Variants in TRIM2 observed in about 807,000 individuals in gnomAD.
TRIM2 encodes the protein tripartite motif-containing protein 2.
TRIM2 carries 20 observed loss-of-function variants against 75.2 expected under a neutral mutation model. The observed-to-expected ratio is 0.27, with a 90% CI of 0.19 to 0.39. The LOEUF (loss-of-function observed/expected upper bound fraction) is 0.39. Among genes scored for constraint, TRIM2 ranks in the 10% least tolerant of loss-of-function variants. The probability of loss-of-function intolerance (pLI) is 1.00; values close to 1 mark genes in which losing one functional copy is unlikely to be tolerated. For missense variants in TRIM2, 660 were observed against 990.8 expected (o/e 0.67, Z 4.48); for synonymous variants, 373 against 388.3 (o/e 0.96, Z 0.46).
intron 6 of TRIM2, 33 bp from the exon 7 acceptor site, chr4:153,315,452 G>A (rs377581126): frequency 1.9e-6 from 3 of 1,544,812 alleles, no homozygotes; most frequent in East Asian, 2.3e-5. Context: ...ACCCTTTAGT[G>A]CTTAATTTTT....
At position 153,322,787 on chromosome 4, in the gene TRIM2, G is replaced by A; in HGVS notation, c.1922G>A (p.Ser641Asn). Residue 641 changes from serine to asparagine, a missense_variant, in exon 9 of 12, where the codon AGC becomes AAC. Transcript: ENST00000338700. ...PNGKIVTRFG[S>N]RGNGDRQFAG... ...GGGAAAATAGTCACCAGGTTTGGTAGCCGAGGAAATGGGGACAGGCAGTTT... is the reference window on the plus strand; with the variant it reads ...GGGAAAATAGTCACCAGGTTTGGTAACCGAGGAAATGGGGACAGGCAGTTT... 9 of 1,614,220 alleles carry A rather than the reference G, an allele frequency of 5.6e-6. No homozygotes were observed. The highest frequency in any genetic ancestry group is 7.6e-6 in the Non-Finnish European group (9 of 1,180,034).
intron 1 of TRIM2, among the ~76,000 whole-genome samples, chr4:153,188,940 C>T (rs1305068242): frequency 6.6e-6 from 1 of 152,222 alleles, no homozygotes; most frequent in Admixed American, 6.5e-5. Context: ...CTGCTTACCA[C>T]TCCCCATACT....
chr4:153,178,669 C>T (rs1731729279), intron 1 of TRIM2, among the ~76,000 whole-genome samples: 1 of 152,298 alleles, frequency 6.6e-6, no homozygotes, highest in African/African-American at 2.4e-5. Context: ...GAGACTCATG[C>T]ATCCTGTAGC....
intron 1 of TRIM2, among the ~76,000 whole-genome samples, chr4:153,171,391 G>A (rs1730833390): frequency 6.6e-6 from 1 of 152,060 alleles, no homozygotes. Context: ...TTCCAGACCA[G>A]CCTGACCAAC....
chr4:153,324,169 G>T, intron 10 of TRIM2, 21 bp downstream of exon 10: 1 of 1,598,702 alleles, frequency 6.3e-7, no homozygotes, highest in Non-Finnish European at 8.5e-7. Context: ...CACATGAGTT[G>T]TTGTTAACTT....
intron 8 of TRIM2, among the ~76,000 whole-genome samples, chr4:153,317,518 G>A (rs1238806504): frequency 6.6e-6 from 1 of 151,844 alleles, no homozygotes; most frequent in African/African-American, 2.4e-5. Context: ...CCGTGGTGGC[G>A]TGCACCTGTA....
At chr4:153,243,270 G>A (rs1358911142) in intron 1 of TRIM2, among the ~76,000 whole-genome samples, 1 of 152,232 alleles carries the variant, frequency 6.6e-6, no homozygotes, top group African/African-American at 2.4e-5. Context: ...TGATAGAGAA[G>A]GTGATGGAGT....
intron 1 of TRIM2, among the ~76,000 whole-genome samples, chr4:153,163,754 G>A (rs565605733): frequency 9.4e-4 from 142 of 151,610 alleles, no homozygotes; most frequent in African/African-American, 3.3e-3. Context: ...TGCCCGCCTC[G>A]GCCTCCCAGA....
At chr4:153,272,086 C>T (rs929118978) in intron 2 of TRIM2, among the ~76,000 whole-genome samples, 1 of 152,230 alleles carries the variant, frequency 6.6e-6, no homozygotes, top group Non-Finnish European at 1.5e-5. Flanking sequence ...AGTCCTTACA[C>T]AATGCTCTGT....
intron 8 of TRIM2, among the ~76,000 whole-genome samples, chr4:153,319,982 T>C (rs1413253036): frequency 6.6e-6 from 1 of 152,210 alleles, no homozygotes; most frequent in African/African-American, 2.4e-5. Flanking sequence ...TCTAGATAAT[T>C]ATCCATTTGA....
At chr4:153,206,676 C>T (rs1735534485) in intron 1 of TRIM2, among the ~76,000 whole-genome samples, 1 of 152,094 alleles carries the variant, frequency 6.6e-6, no homozygotes, top group Non-Finnish European at 1.5e-5. Flanking sequence ...TCCTGCCCCT[C>T]TTTGCTCCCT....
At chr4:153,225,167 C>G (rs1034097055) in intron 1 of TRIM2, among the ~76,000 whole-genome samples, 29 of 152,168 alleles carry the variant, frequency 1.9e-4, no homozygotes, top group Non-Finnish European at 1.6e-4. Flanking sequence ...ATAACATTAT[C>G]AGAACTTTCT....
chr4:153,295,271 G>A lies in TRIM2; in HGVS notation c.787-42G>A. On this transcript the variant is annotated intron_variant, in intron 5 of 11. Transcript: ENST00000338700. The surrounding 1 kb of genome is among the most constrained non-coding windows in gnomAD (Gnocchi z 7.2). The stretch of plus-strand genomic sequence containing the variant: ...AGGGCACTGCCCCGGGCTAGGCCCC[G>A]CCCTGTGGGACGAGCTCACCAGGCC... 1 of 1,522,350 alleles carries A rather than the reference G, an allele frequency of 6.6e-7. No individual in the cohort carries two copies. Among genetic ancestry groups the A allele is most frequent in the Middle Eastern group, 2.3e-4 (1 of 4,372 alleles). The allele number at this position is 1,522,350 out of a possible 1,614,324, so 94.3% of individuals were successfully genotyped here.
At chr4:153,242,738 A>T (rs1038479005) in intron 1 of TRIM2, among the ~76,000 whole-genome samples, 2 of 152,224 alleles carry the variant, frequency 1.3e-5, no homozygotes, top group African/African-American at 4.8e-5. Flanking sequence ...GTCTGCCTGT[A>T]AAGAGAGGAC....
At chr4:153,219,905 A>G (rs977428845) in intron 1 of TRIM2, among the ~76,000 whole-genome samples, 4 of 152,212 alleles carry the variant, frequency 2.6e-5, no homozygotes, top group Non-Finnish European at 5.9e-5. Flanking sequence ...AAAATAAAAT[A>G]AAATGAAGGA....
At chr4:153,243,263 T>C (rs936341084) in intron 1 of TRIM2, among the ~76,000 whole-genome samples, 3 of 152,204 alleles carry the variant, frequency 2.0e-5, no homozygotes, top group Non-Finnish European at 4.4e-5. Context: ...TGGAAAGTGA[T>C]AGAGAAGGTG....
At chr4:153,204,011 A>G (rs1734761872), upstream of TRIM2, among the ~76,000 whole-genome samples, 1 of 152,254 alleles carries the variant, frequency 6.6e-6, no homozygotes, top group Admixed American at 6.5e-5. Flanking sequence ...TAAGCATGTC[A>G]TCAAACTAAC....
chr4:153,166,154 C>T (rs943259400), intron 1 of TRIM2, among the ~76,000 whole-genome samples: 1 of 151,780 alleles, frequency 6.6e-6, no homozygotes, highest in Non-Finnish European at 1.5e-5. Context: ...GATGCAATAG[C>T]TTTTTTTTGC....
At position 153,339,140 on chromosome 4, in the gene TRIM2, G is replaced by A. The variant is rs998625075; in HGVS notation, c.*4174G>A. 1 of 985,706 alleles carries A rather than the reference G, an allele frequency of 1.0e-6. No homozygotes were observed. Among genetic ancestry groups the A allele is most frequent in the Non-Finnish European group, 1.2e-6 (1 of 829,932 alleles). The allele number at this position is 985,706 out of a possible 1,614,324, so 61.1% of individuals were successfully genotyped here. Reference sequence around the variant, plus strand: ...CTATTTAAAGAAAAGAATGAACGCTGTGCATCAAAGTGTTTGTATGTTCGT... The same window carrying A: ...CTATTTAAAGAAAAGAATGAACGCTATGCATCAAAGTGTTTGTATGTTCGT... On this transcript the variant is annotated 3_prime_UTR_variant, in exon 12 of 12. Transcript: ENST00000338700.
Sources: allele counts gnomAD v4.1 joint callset (sites outside exome capture counted in the v4.1 genomes callset), GRCh38; gene constraint gnomAD v4.1.1; non-coding constraint Gnocchi (gnomAD v3.1); transcripts MANE v1.5; gene names NCBI Gene and HGNC (gene_info 2026-07-23, HGNC 2026-07-21).